The following CA12 variants were observed in gnomAD, a reference collection of about 807,000 sequenced individuals.
CA12 encodes the protein carbonic anhydrase 12, also known as carbonate dehydratase XII.
CA12 carries 36 observed loss-of-function variants against 46.8 expected under a neutral mutation model. That is an observed-to-expected ratio of 0.77 (90% CI 0.59 to 1.02). The LOEUF is 1.02. Ranked by LOEUF, CA12 falls within the 50% of genes least tolerant of loss-of-function variation. CA12 has a pLI of 0.00. For missense variants in CA12, 436 were observed against 451.4 expected (o/e 0.97, Z 0.31); for synonymous variants, 202 against 187.0 (o/e 1.08, Z -0.65).
At position 63,345,386 on chromosome 15, in the gene CA12, G is replaced by T. The variant is rs2039132166; in HGVS notation, c.429+91C>A. The T allele has an allele frequency of 1.3e-6, 2 of 1,529,870 alleles. No individual in the cohort carries two copies. Among genetic ancestry groups the T allele is most frequent in the Admixed American group, 3.4e-5 (2 of 58,054 alleles). 94.8% of individuals were successfully genotyped at this position (1,529,870 alleles called of 1,614,324 possible). A position where few individuals can be genotyped will look rare whatever the true frequency, so the allele number is the denominator to read the frequency against. ...AGAGCCTGAAGGCAGCCTGTCCCAT[G>T]CTCTGGTGTTATCTGCACAGCAGCC... On this transcript the variant is annotated intron_variant, in intron 4 of 10. Transcript: ENST00000178638. This position sits in a 1 kb window ranked among gnomAD's most constrained non-coding sequence, Gnocchi z 4.3.
In CA12 at chr15:63,327,468, G is replaced by A. The variant is rs1047383842; in HGVS notation, c.908-235C>T. Among the ~76,000 whole-genome samples the A allele has an allele frequency of 6.6e-6, 1 of 151,880 alleles. No individual in the cohort carries two copies. The highest frequency in any genetic ancestry group is 1.5e-5 in the Non-Finnish European group (1 of 68,020). On this transcript the variant is annotated intron_variant, in intron 9 of 10. Transcript: ENST00000178638. The surrounding 1 kb of genome is among the most constrained non-coding windows in gnomAD (Gnocchi z 4.5). Reference sequence around the variant, plus strand: ...AGCAGATGCTCTCAAACTTACACAAGGGTCATCTGAAGAGCTTGTTTAAAA... The same window carrying A: ...AGCAGATGCTCTCAAACTTACACAAAGGTCATCTGAAGAGCTTGTTTAAAA...
Position 63,326,281 on chromosome 15 carries a change from G to A in CA12, c.*4C>T, listed in dbSNP as rs763880884. ...CCTGGATGTGCCCGGGAGCTCCGGG[G>A]ACCTCAAGCGTGGGCCTCAGTCTCC... On this transcript the variant is annotated 3_prime_UTR_variant, in exon 11 of 11. Transcript: ENST00000178638. The A allele has an allele frequency of 2.5e-6, 4 of 1,613,312 alleles. No individual in the cohort carries two copies. The highest frequency in any genetic ancestry group is 1.1e-5 in the South Asian group (1 of 91,056).
In CA12 at chr15:63,345,435, C is replaced by G. The variant is rs780112119; in HGVS notation, c.429+42G>C. On this transcript the variant is annotated intron_variant, in intron 4 of 10. Coordinates refer to ENST00000178638, the MANE Select transcript of CA12 (RefSeq NM_001218.5). The surrounding 1 kb of genome is among the most constrained non-coding windows in gnomAD (Gnocchi z 4.3). ...CCAGGTCGAGAAGGTGCCACACCAC[C>G]CACTGCAGAGCAGCCTCTGCCAGAC... 2.9e-5 allele frequency: 46 copies of G among 1,600,262 alleles called. No homozygotes were observed. The South Asian group carries it at 5.1e-4, about 18-fold the overall frequency.
In CA12 at chr15:63,373,493, T is replaced by C. The variant is rs1331622015; in HGVS notation, c.106+2165A>G. ...CCCGTAGAGATGTGATCTGTGTTTC[T>C]ATCATACCTGAGAGGCCAGCAGAAG... On this transcript the variant is annotated intron_variant, in intron 2 of 10. Coordinates refer to ENST00000178638, the MANE Select transcript of CA12 (RefSeq NM_001218.5). The surrounding 1 kb of genome is among the most constrained non-coding windows in gnomAD (Gnocchi z 4.9). Among the ~76,000 whole-genome samples the C allele has an allele frequency of 2.0e-5, 3 of 152,208 alleles. No individual in the cohort carries two copies. The highest frequency in any genetic ancestry group is 4.4e-5 in the Non-Finnish European group (3 of 68,038).
chr15:63,346,625 A>AT lies in CA12; in HGVS notation c.190dup (p.Ile64AsnfsTer5), dbSNP rs1567046278. The AT allele has an allele frequency of 6.4e-7, 1 of 1,572,558 alleles. No homozygotes were observed. The highest frequency in any genetic ancestry group is 1.7e-5 in the Admixed American group (1 of 58,582). ...CGTGAGGCTGGCGTCATACTGGAGG[A>AT]TGTCACTGTGCAGGTCTATGGGGGA... On this transcript the variant is annotated frameshift_variant, in exon 3 of 11. Transcript: ENST00000178638. LOFTEE classifies it high-confidence loss of function.
Position 63,328,632 on chromosome 15 carries a change from C to T in CA12, c.875-502G>A, listed in dbSNP as rs2038898734. Among the ~76,000 whole-genome samples the T allele has an allele frequency of 6.6e-6, 1 of 152,092 alleles. No individual in the cohort carries two copies. The highest frequency in any genetic ancestry group is 2.4e-5 in the African/African-American group (1 of 41,422). ...TATAGGCGTGAGCCCCTGCGCCCGGCCCCGATGCTCCTTTATCACAACAGT... is the reference window on the plus strand; with the variant it reads ...TATAGGCGTGAGCCCCTGCGCCCGGTCCCGATGCTCCTTTATCACAACAGT... On this transcript the variant is annotated intron_variant, in intron 8 of 10. Coordinates refer to ENST00000178638, the MANE Select transcript of CA12 (RefSeq NM_001218.5). This position sits in a 1 kb window ranked among gnomAD's most constrained non-coding sequence, Gnocchi z 5.9.
chr15:63,361,024 C>T (rs567390005), intron 2 of CA12, among the ~76,000 whole-genome samples: 5 of 152,110 alleles, frequency 3.3e-5, no homozygotes, highest in Admixed American at 1.3e-4. Context: ...GAGGTGGCAT[C>T]GGATGTAAAT....
Position 63,339,022 on chromosome 15 carries a change from G to A in CA12, c.748-77C>T, listed in dbSNP as rs995817159. On this transcript the variant is annotated intron_variant, in intron 7 of 10. Transcript: ENST00000178638. The surrounding 1 kb of genome is among the most constrained non-coding windows in gnomAD (Gnocchi z 4.3). ...TCCCCTGGGAAGAGGCTAGCTCTCCGCTCTTGCACCTGGGAGAAGCCTCTG... is the reference window on the plus strand; with the variant it reads ...TCCCCTGGGAAGAGGCTAGCTCTCCACTCTTGCACCTGGGAGAAGCCTCTG... 1.8e-5 allele frequency: 29 copies of A among 1,572,772 alleles called. No homozygotes were observed. The highest frequency in any genetic ancestry group is 5.4e-5 in the African/African-American group (4 of 74,024).
rs959937326 is a variant in CA12 at position 63,331,075 on chromosome 15, G to C, written c.875-2945C>G. Among the ~76,000 whole-genome samples, 7 of 152,242 alleles carry C rather than the reference G, an allele frequency of 4.6e-5. No homozygotes were observed. Among genetic ancestry groups the C allele is most frequent in the African/African-American group, 1.7e-4 (7 of 41,468 alleles). On this transcript the variant is annotated intron_variant, in intron 8 of 10. Coordinates refer to ENST00000178638, the MANE Select transcript of CA12 (RefSeq NM_001218.5). This position sits in a 1 kb window ranked among gnomAD's most constrained non-coding sequence, Gnocchi z 5.3. ...ACCTCAGGAAGCCCAGGGCAGGAAG[G>C]TGTTGTTGGAATGCTGTCCCTGCCA...
intron 2 of CA12, among the ~76,000 whole-genome samples, chr15:63,361,403 G>A (rs8041187): frequency 0.023 from 3,432 of 152,248 alleles, 130 homozygotes; most frequent in African/African-American, 0.076. Context: ...TTTCAACTGG[G>A]GCGATTTTGC....
In CA12 at chr15:63,341,899, C is replaced by T. The variant is rs562450306; in HGVS notation, c.525+103G>A. On this transcript the variant is annotated intron_variant, in intron 5 of 10. Transcript: ENST00000178638. This position sits in a 1 kb window ranked among gnomAD's most constrained non-coding sequence, Gnocchi z 5.2. Reference sequence around the variant, plus strand: ...CTCTGGAGTTGACACGGAGTCGATACAGGAACAGCTGATTATCAACAGGTA... The same window carrying T: ...CTCTGGAGTTGACACGGAGTCGATATAGGAACAGCTGATTATCAACAGGTA... The T allele has an allele frequency of 1.5e-5, 12 of 811,188 alleles. No homozygotes were observed. Among genetic ancestry groups the T allele is most frequent in the Middle Eastern group, 2.2e-4 (1 of 4,514 alleles). 50.2% of individuals were successfully genotyped at this position (811,188 alleles called of 1,614,324 possible). A position where few individuals can be genotyped will look rare whatever the true frequency, so the allele number is the denominator to read the frequency against.
In CA12 at chr15:63,338,959, C is replaced by T; in HGVS notation, c.748-14G>A. On this transcript the variant is annotated splice_polypyrimidine_tract_variant and intron_variant, in intron 7 of 10. Coordinates refer to ENST00000178638, the MANE Select transcript of CA12 (RefSeq NM_001218.5). ...CAAAGCCAGCAGCTGAGGGCAAGAGCAGAAATAGCCCGCAGGCAGAATGAC... is the reference window on the plus strand; with the variant it reads ...CAAAGCCAGCAGCTGAGGGCAAGAGTAGAAATAGCCCGCAGGCAGAATGAC... 1 of 1,614,086 alleles carries T rather than the reference C, an allele frequency of 6.2e-7. No individual in the cohort carries two copies. Among genetic ancestry groups the T allele is most frequent in the Non-Finnish European group, 8.5e-7 (1 of 1,180,000 alleles).
chr15:63,369,431 A>C (rs1048455702), intron 2 of CA12, among the ~76,000 whole-genome samples: 2 of 152,194 alleles, frequency 1.3e-5, no homozygotes, highest in African/African-American at 4.8e-5. Context: ...GCCTCTCTCC[A>C]TGTGTTATCT....
chr15:63,370,845 G>A (rs751725648), intron 2 of CA12, among the ~76,000 whole-genome samples: 15 of 152,118 alleles, frequency 9.9e-5, no homozygotes, highest in Admixed American at 6.5e-5. Context: ...AGTACTTTGT[G>A]CCCCTTATTC....
chr15:63,375,785 C>G (rs556905479), intron 1 of CA12, 107 bp from the exon 2 acceptor site: 5 of 759,988 alleles, frequency 6.6e-6, no homozygotes, highest in Non-Finnish European at 1.1e-5. Context: ...GAGGTCGATG[C>G]CCAGAAATTG....
intron 4 of CA12, among the ~76,000 whole-genome samples, chr15:63,342,900 A>T (rs906563496): frequency 1.3e-5 from 2 of 152,188 alleles, no homozygotes; most frequent in African/African-American, 4.8e-5. Context: ...AGTTCAACAT[A>T]TGTTATTGAA....
chr15:63,375,739 T>C (rs553273221), intron 1 of CA12, 61 bp from the exon 2 acceptor site: 17 of 1,307,358 alleles, frequency 1.3e-5, no homozygotes, highest in Non-Finnish European at 1.9e-5. Flanking sequence ...TGGAAAACAC[T>C]ACAGATTTTG....
In CA12 at chr15:63,326,051, G is replaced by A. The variant is rs11556746; in HGVS notation, c.*234C>T. On this transcript the variant is annotated 3_prime_UTR_variant, in exon 11 of 11. Transcript: ENST00000178638. ...CAATCTCACACAGTTACAGCAAGCA[G>A]CTTTGAATTCCTGCTGCTTGGTCTG... 0.054 allele frequency: 30,052 copies of A among 554,132 alleles called. 1,029 individuals are homozygous for A. Among genetic ancestry groups the A allele is most frequent in the Middle Eastern group, 0.084 (170 of 2,020 alleles). 34.3% of individuals were successfully genotyped at this position (554,132 alleles called of 1,614,324 possible). A position where few individuals can be genotyped will look rare whatever the true frequency, so the allele number is the denominator to read the frequency against.
Position 63,339,070 on chromosome 15 carries a change from G to T in CA12, c.748-125C>A. The T allele has an allele frequency of 8.3e-7, 1 of 1,208,760 alleles. No individual in the cohort carries two copies. Among genetic ancestry groups the T allele is most frequent in the Non-Finnish European group, 1.2e-6 (1 of 843,414 alleles). 74.9% of individuals were successfully genotyped at this position (1,208,760 alleles called of 1,614,324 possible). On this transcript the variant is annotated intron_variant, in intron 7 of 10. Transcript: ENST00000178638. The surrounding 1 kb of genome is among the most constrained non-coding windows in gnomAD (Gnocchi z 4.3). Reference sequence around the variant, plus strand: ...CTGGAACCAGCTTCTGTGGGGCCGGGTGGGAGATATTAGAAAGCAGAGGGA... The same window carrying T: ...CTGGAACCAGCTTCTGTGGGGCCGGTTGGGAGATATTAGAAAGCAGAGGGA...
Sources: allele counts gnomAD v4.1 joint callset (sites outside exome capture counted in the v4.1 genomes callset), GRCh38; gene constraint gnomAD v4.1.1; non-coding constraint Gnocchi (gnomAD v3.1); transcripts MANE v1.5; gene names NCBI Gene and HGNC (gene_info 2026-07-23, HGNC 2026-07-21).